The following LEF1 variants were observed in gnomAD, a reference collection of about 807,000 sequenced individuals.
LEF1 encodes the protein lymphoid enhancer binding factor 1.
Under a neutral mutation model 51.2 loss-of-function variants are expected in LEF1, and 14 were observed. The ratio of observed to expected loss-of-function variants is 0.27; its 90% confidence interval spans 0.18 to 0.43. The LOEUF is 0.43. LEF1 is among the 20% of genes least tolerant of loss of function. The probability of loss-of-function intolerance (pLI) is 1.00; values close to 1 mark genes in which losing one functional copy is unlikely to be tolerated. For missense variants in LEF1, 386 were observed against 512.0 expected (o/e 0.75, Z 2.37); for synonymous variants, 185 against 183.2 (o/e 1.01, Z -0.08).
At chr4:108,135,991 C>T (rs930849081) in intron 3 of LEF1, among the ~76,000 whole-genome samples, 1 of 152,086 alleles carries the variant, frequency 6.6e-6, no homozygotes, top group Non-Finnish European at 1.5e-5. Context: ...AATTACTACA[C>T]AAACAGGTTG....
chr4:108,131,895 A>G (rs575826761), intron 3 of LEF1, among the ~76,000 whole-genome samples: 1 of 152,350 alleles, frequency 6.6e-6, no homozygotes, highest in South Asian at 2.1e-4. Context: ...ATAAAACCAC[A>G]TATGAAATCA....
intron 3 of LEF1, among the ~76,000 whole-genome samples, chr4:108,146,915 G>A (rs1038548237): frequency 3.3e-5 from 5 of 152,182 alleles, no homozygotes; most frequent in African/African-American, 1.2e-4. Flanking sequence ...AGCACGGGAA[G>A]CATACTGACA....
At position 108,167,650 on chromosome 4, in the gene LEF1, C is replaced by T. The variant is rs1745500071; in HGVS notation, c.118G>A (p.Glu40Lys). ...GDPQKEKIFA[E>K]ISHPEEEGDL... Reference sequence around the variant, plus strand: ...CCTTCCTCTTCGGGATGACTGATCTCGGCGAAGATCTTTTCCTTCTGAGGA... The same window carrying T: ...CCTTCCTCTTCGGGATGACTGATCTTGGCGAAGATCTTTTCCTTCTGAGGA... Residue 40 changes from glutamate to lysine, a missense_variant, in exon 1 of 12, where the codon GAG (glutamate) becomes AAG (lysine). Glu to Lys is a moderately conservative substitution (Grantham distance 56). Transcript: ENST00000265165. The surrounding 1 kb of genome is among the most constrained non-coding windows in gnomAD (Gnocchi z 5.7). 2 of 1,614,230 alleles carry T rather than the reference C, an allele frequency of 1.2e-6. No individual in the cohort carries two copies. The highest frequency in any genetic ancestry group is 1.7e-4 in the Middle Eastern group (1 of 6,060).
chr4:108,089,327 A>C, intron 3 of LEF1, 70 bp from the exon 4 acceptor site: 1 of 1,530,294 alleles, frequency 6.5e-7, no homozygotes, highest in South Asian at 1.2e-5. Flanking sequence ...CAAAGAAAAA[A>C]ATTCACACAG....
chr4:108,057,861 A>AT (rs1288829987), intron 11 of LEF1, among the ~76,000 whole-genome samples: 7 of 150,416 alleles, frequency 4.7e-5, no homozygotes, highest in Non-Finnish European at 3.0e-5. Context: ...TAAGCAGATG[A>AT]TTTTTTTTAT....
At chr4:108,159,417 G>A (rs1030354877) in intron 3 of LEF1, among the ~76,000 whole-genome samples, 7 of 152,170 alleles carry the variant, frequency 4.6e-5, no homozygotes, top group African/African-American at 1.7e-4. Flanking sequence ...AAATAGAAAA[G>A]TGAAAATTAT....
intron 3 of LEF1, among the ~76,000 whole-genome samples, chr4:108,113,055 AT>A (rs764784852): frequency 7.2e-5 from 11 of 152,352 alleles, no homozygotes; most frequent in Non-Finnish European, 1.2e-4. Flanking sequence ...GAGCTGTGGA[AT>A]GCTATCCGAG....
intron 2 of LEF1, among the ~76,000 whole-genome samples, chr4:108,164,837 G>A (rs558668595): frequency 6.6e-6 from 1 of 152,226 alleles, no homozygotes; most frequent in African/African-American, 2.4e-5. Context: ...AAAACTCATT[G>A]TAGACATTCC....
intron 3 of LEF1, among the ~76,000 whole-genome samples, chr4:108,141,436 G>T (rs1165995820): frequency 6.6e-6 from 1 of 152,168 alleles, no homozygotes; most frequent in South Asian, 2.1e-4. Flanking sequence ...TGGCATGTCA[G>T]CGGGACTCCA....
intron 4 of LEF1, among the ~76,000 whole-genome samples, chr4:108,086,344 T>C (rs1055322653): frequency 6.6e-6 from 1 of 152,184 alleles, no homozygotes; most frequent in Non-Finnish European, 1.5e-5. Flanking sequence ...TGCGTCAGCC[T>C]CCTGAGTAGC....
At chr4:108,151,670 C>T in intron 3 of LEF1, among the ~76,000 whole-genome samples, 1 of 152,126 alleles carries the variant, frequency 6.6e-6, no homozygotes. Flanking sequence ...CACTGAGTTA[C>T]TATGAGGATT....
intron 8 of LEF1, among the ~76,000 whole-genome samples, chr4:108,072,504 A>G (rs1020203777): frequency 6.6e-6 from 1 of 152,238 alleles, no homozygotes; most frequent in Non-Finnish European, 1.5e-5. Flanking sequence ...TCTGTGCTGA[A>G]GAGGATAGAT....
chr4:108,154,443 C>CAAAAAAAAAAA (rs10672899), intron 3 of LEF1, among the ~76,000 whole-genome samples: 3 of 71,988 alleles, frequency 4.2e-5, no homozygotes, highest in African/African-American at 1.1e-4. Flanking sequence ...AAGGTAGTAG[C>CAAAAAAAAAAA]AAAAAAAAAA....
chr4:108,164,336 T>G (rs935946934), intron 2 of LEF1, among the ~76,000 whole-genome samples: 3 of 152,192 alleles, frequency 2.0e-5, no homozygotes, highest in African/African-American at 7.2e-5. Context: ...AACTATCTTG[T>G]AGCTGAGGAA....
At chr4:108,113,170 G>T (rs983828218) in intron 3 of LEF1, among the ~76,000 whole-genome samples, 1 of 152,202 alleles carries the variant, frequency 6.6e-6, no homozygotes, top group African/African-American at 2.4e-5. Flanking sequence ...TAAAGAGGAA[G>T]AAATACATTT....
At chr4:108,083,852 T>C (rs1371884516) in intron 4 of LEF1, among the ~76,000 whole-genome samples, 1 of 152,224 alleles carries the variant, frequency 6.6e-6, no homozygotes, top group Non-Finnish European at 1.5e-5. Flanking sequence ...GTTCAAGGAT[T>C]AGGTAAATTG....
intron 8 of LEF1, among the ~76,000 whole-genome samples, chr4:108,077,840 C>T (rs1578314653): frequency 6.6e-6 from 1 of 152,126 alleles, no homozygotes; most frequent in South Asian, 2.1e-4. Flanking sequence ...TTTGCATTTT[C>T]AACATTAAAG....
chr4:108,144,177 A>G (rs996737745), intron 3 of LEF1, among the ~76,000 whole-genome samples: 2 of 152,090 alleles, frequency 1.3e-5, no homozygotes, highest in African/African-American at 2.4e-5. Flanking sequence ...ACTCTTAAAA[A>G]CCTTTAAATA....
intron 11 of LEF1, among the ~76,000 whole-genome samples, chr4:108,054,845 T>C (rs187010418): frequency 6.6e-6 from 1 of 152,344 alleles, no homozygotes; most frequent in Admixed American, 6.5e-5. Flanking sequence ...GTAAACCTTA[T>C]GCCAAAAAGT....
Sources: gnomAD v4.1 joint callset for allele counts (sites outside exome capture counted in the v4.1 genomes callset) on GRCh38, gnomAD v4.1.1 for gene constraint, Gnocchi (gnomAD v3.1) non-coding constraint, MANE v1.5 for transcripts, NCBI Gene and HGNC (gene_info 2026-07-23, HGNC 2026-07-21) for gene names.